The following SIPA1L1 variants were observed in gnomAD, a reference collection of about 807,000 sequenced individuals.
The protein encoded by SIPA1L1 is signal induced proliferation associated 1 like 1.
Under a neutral mutation model 162.7 loss-of-function variants are expected in SIPA1L1, and 26 were observed. The ratio of observed to expected loss-of-function variants is 0.16; its 90% confidence interval spans 0.12 to 0.22. The LOEUF (loss-of-function observed/expected upper bound fraction) is 0.22. SIPA1L1 is among the 10% of genes least tolerant of loss of function. The pLI, the probability that SIPA1L1 is intolerant of heterozygous loss-of-function variation, is 1.00. For synonymous variants in SIPA1L1, 829 were observed against 837.4 expected, an observed-to-expected ratio of 0.99 and a Z score of 0.17; for missense variants, 1,874 against 2,241.0, an observed-to-expected ratio of 0.84 and a Z score of 3.31.
At chr14:71,387,989 A>G (rs1428454254) in intron 2 of SIPA1L1, among the ~76,000 whole-genome samples, 1 of 152,254 alleles carries the variant, frequency 6.6e-6, no homozygotes, top group African/African-American at 2.4e-5. Context: ...CCTTTTGGAT[A>G]AAAGCCAAGA....
chr14:71,683,343 A>G (rs1459419639), intron 12 of SIPA1L1, among the ~76,000 whole-genome samples: 1 of 152,308 alleles, frequency 6.6e-6, no homozygotes, highest in East Asian at 1.9e-4. Flanking sequence ...AGGGGCATAG[A>G]TGGTGATGTT....
chr14:71,624,081 G>T lies in SIPA1L1; in HGVS notation c.1663G>T (p.Ala555Ser), dbSNP rs184629545. 9.3e-6 allele frequency: 15 copies of T among 1,612,782 alleles called. No homozygotes were observed. The East Asian group carries it at 3.3e-4, about 36-fold the overall frequency. ...ACTGAGAGGTTCGGTCCTGGAGGACGCCATTCCGTCGACAGCCAAGCACTC... is the reference window on the plus strand; with the variant it reads ...ACTGAGAGGTTCGGTCCTGGAGGACTCCATTCCGTCGACAGCCAAGCACTC... The part of the protein sequence containing the change: ...MTLRGSVLED[A>S]IPSTAKHSTA... Residue 555 changes from alanine (A) to serine (S), a missense_variant, in exon 7 of 24, where the codon GCC becomes TCC. This residue lies in a region of SIPA1L1 where 685 missense variants were observed against 828.0 expected (regional missense o/e 0.83). Coordinates refer to ENST00000381232, the MANE Select transcript of SIPA1L1 (RefSeq NM_001386936.1).
At chr14:71,641,172 G>A (rs2041673632) in intron 7 of SIPA1L1, among the ~76,000 whole-genome samples, 2 of 151,802 alleles carry the variant, frequency 1.3e-5, no homozygotes, top group Admixed American at 1.3e-4. Flanking sequence ...GCATTATTTG[G>A]GAATAAAAGC....
chr14:71,370,763 T>G (rs2038813015), intron 2 of SIPA1L1, among the ~76,000 whole-genome samples: 1 of 152,214 alleles, frequency 6.6e-6, no homozygotes, highest in African/African-American at 2.4e-5. Flanking sequence ...AAGGTCTTGA[T>G]TCCAACTGTG....
Position 71,588,931 on chromosome 14 carries a change from T to C in SIPA1L1, c.1059T>C (p.Val353=), listed in dbSNP as rs2034925393. 2 of 1,614,068 alleles carry C rather than the reference T, an allele frequency of 1.2e-6. No individual in the cohort carries two copies. The highest frequency in any genetic ancestry group is 2.2e-5 in the East Asian group (1 of 44,872). The change falls in exon 5 of 24, where the codon GTT becomes GTC. Residue 353 remains valine, a synonymous_variant. Coordinates refer to ENST00000381232, the MANE Select transcript of SIPA1L1 (RefSeq NM_001386936.1). This position sits in a 1 kb window ranked among gnomAD's most constrained non-coding sequence, Gnocchi z 4.3. The stretch of plus-strand genomic sequence containing the variant: ...AGGCAATTATGAACAGGCACAATGT[T>C]ATTAAGAGGAGAAACACCACCACTG... ...LNEAIMNRHN[V]IKRRNTTTGA... is the part of the protein sequence containing the mutation.
chr14:71,508,409 C>CA, intron 2 of SIPA1L1, among the ~76,000 whole-genome samples: 1 of 152,196 alleles, frequency 6.6e-6, no homozygotes, highest in Non-Finnish European at 1.5e-5. Flanking sequence ...AACACCTCCT[C>CA]ACCTCATTAC....
intron 2 of SIPA1L1, among the ~76,000 whole-genome samples, chr14:71,453,864 C>T (rs1043334249): frequency 6.6e-6 from 1 of 151,892 alleles, no homozygotes; most frequent in Non-Finnish European, 1.5e-5. Context: ...CATGGTGGCT[C>T]ACTCGTGTAA....
chr14:71,356,567 CAAAAAAAA>C (rs71105772), intron 2 of SIPA1L1, among the ~76,000 whole-genome samples: 11 of 39,162 alleles, frequency 2.8e-4, no homozygotes, highest in Non-Finnish European at 4.7e-4. Flanking sequence ...CTTGTCTCTA[CAAAAAAAA>C]AAAAAAAAAA....
chr14:71,739,253 G>A lies in SIPA1L1; in HGVS notation c.*92G>A, dbSNP rs2085598881. On this transcript the variant is annotated 3_prime_UTR_variant, in exon 24 of 24. Transcript: ENST00000381232. The stretch of plus-strand genomic sequence containing the variant: ...TCCCTCCATAGAAAGCATCCTCAGA[G>A]CACCTTCCCTGGCTTCCTACTCTGC... The A allele has an allele frequency of 2.3e-6, 3 of 1,305,162 alleles. No individual in the cohort carries two copies. The highest frequency in any genetic ancestry group is 3.1e-6 in the Non-Finnish European group (3 of 976,336). The allele number at this position is 1,305,162 out of a possible 1,614,324, so 80.8% of individuals were successfully genotyped here. A position where few individuals can be genotyped will look rare whatever the true frequency, so the allele number is the denominator to read the frequency against.
intron 2 of SIPA1L1, among the ~76,000 whole-genome samples, chr14:71,432,706 C>T (rs2044086082): frequency 6.6e-6 from 1 of 152,092 alleles, no homozygotes. Context: ...CTTCTGAGAC[C>T]TTCATTTTGG....
rs2034792612 is a variant in SIPA1L1, at chr14:71,587,768, A to C, written c.-105A>C. The C allele has an allele frequency of 3.0e-6, 3 of 1,000,694 alleles. No homozygotes were observed. The highest frequency in any genetic ancestry group is 4.4e-6 in the Non-Finnish European group (3 of 675,374). 62.0% of individuals were successfully genotyped at this position (1,000,694 alleles called of 1,614,324 possible). A position where few individuals can be genotyped will look rare whatever the true frequency, so the allele number is the denominator to read the frequency against. On this transcript the variant is annotated 5_prime_UTR_variant, in exon 5 of 24. Transcript: ENST00000381232. The stretch of plus-strand genomic sequence containing the variant: ...ATGAAAAAGATTAAGATCTCATGCA[A>C]CTGTTGTATTTTCTGGAAGCCATTC...
intron 2 of SIPA1L1, among the ~76,000 whole-genome samples, chr14:71,492,822 C>T (rs1211593432): frequency 2.0e-5 from 3 of 151,196 alleles, no homozygotes; most frequent in Non-Finnish European, 2.9e-5. Flanking sequence ...GGATGGGGTC[C>T]ACTCTATTGC....
intron 3 of SIPA1L1, among the ~76,000 whole-genome samples, chr14:71,526,664 T>A (rs1446689712): frequency 6.6e-6 from 1 of 152,148 alleles, no homozygotes; most frequent in African/African-American, 2.4e-5. Context: ...TGAGCAGATG[T>A]GACAGGGACA....
intron 17 of SIPA1L1, among the ~76,000 whole-genome samples, chr14:71,722,885 A>G (rs2083872510): frequency 6.6e-6 from 1 of 151,962 alleles, no homozygotes; most frequent in African/African-American, 2.4e-5. Context: ...ACAGGCACAC[A>G]CCACCATGCC....
chr14:71,566,360 T>G (rs2030567700), intron 4 of SIPA1L1, among the ~76,000 whole-genome samples: 1 of 152,210 alleles, frequency 6.6e-6, no homozygotes, highest in Non-Finnish European at 1.5e-5. Context: ...TAAACTAATT[T>G]ATAAATTTGT....
chr14:71,729,201 A>G (rs950330534), intron 19 of SIPA1L1, among the ~76,000 whole-genome samples: 4 of 151,848 alleles, frequency 2.6e-5, no homozygotes, highest in African/African-American at 7.3e-5. Flanking sequence ...ACGGCTGGGT[A>G]ATTTTTGTAT....
intron 2 of SIPA1L1, among the ~76,000 whole-genome samples, chr14:71,412,552 A>G (rs1409973251): frequency 6.6e-6 from 1 of 152,186 alleles, no homozygotes; most frequent in East Asian, 1.9e-4. Context: ...AGGGCATGAT[A>G]GGCCCTTGGT....
intron 2 of SIPA1L1, among the ~76,000 whole-genome samples, chr14:71,371,813 TAAGCAAAGGTA>T (rs2038916809): frequency 6.6e-6 from 1 of 152,224 alleles, no homozygotes; most frequent in Non-Finnish European, 1.5e-5. Flanking sequence ...AATTGGAGTT[TAAGCAAAGGTA>T]TGGTTTCACA....
chr14:71,633,721 T>C (rs1258457983), intron 7 of SIPA1L1, among the ~76,000 whole-genome samples: 1 of 151,672 alleles, frequency 6.6e-6, no homozygotes, highest in Non-Finnish European at 1.5e-5. Context: ...AGAGACAAAA[T>C]GGAAGGGACA....
Sources: gnomAD v4.1 joint callset for allele counts (sites outside exome capture counted in the v4.1 genomes callset) on GRCh38, gnomAD v4.1.1 for gene constraint, gnomAD v4.1.1 regional missense constraint, Gnocchi (gnomAD v3.1) non-coding constraint, MANE v1.5 for transcripts, NCBI Gene and HGNC (gene_info 2026-07-23, HGNC 2026-07-21) for gene names.